Variants in GPRIN3 observed in about 807,000 individuals in gnomAD.
GPRIN3 encodes the protein GPRIN family member 3, also known as G protein-regulated inducer of neurite outgrowth 3.
Under a neutral mutation model 13.7 loss-of-function variants are expected in GPRIN3, and 12 were observed. The ratio of observed to expected loss-of-function variants is 0.87; its 90% CI spans 0.56 to 1.42. The LOEUF (loss-of-function observed/expected upper bound fraction) is 1.42, where lower values mean the gene tolerates loss of function less well. GPRIN3 is among the 40% of genes most tolerant of loss of function. GPRIN3 has a pLI of 0.00. For synonymous variants in GPRIN3, 377 were observed against 372.7 expected (o/e 1.01, Z -0.13); for missense variants, 1,009 against 958.7 (o/e 1.05, Z -0.69).
At chr4:89,270,584 T>TATATATAG (rs1324880728) in intron 1 of GPRIN3, among the ~76,000 whole-genome samples, 1 of 82,686 alleles carries the variant, frequency 1.2e-5, no homozygotes, top group African/African-American at 7.6e-5. Flanking sequence ...TATATATATA[T>TATATATAG]ATATATATAT....
Position 89,242,926 on chromosome 4 carries a change from A to T in GPRIN3, c.*4854T>A, listed in dbSNP as rs1034861372. Reference sequence around the variant, plus strand: ...GTTTACTTACCTAACAGCCAAAAATAATGTTTCAGGATTGTTTGTTGCTGC... The same window carrying T: ...GTTTACTTACCTAACAGCCAAAAATTATGTTTCAGGATTGTTTGTTGCTGC... On this transcript the variant is annotated 3_prime_UTR_variant, in exon 2 of 2. Coordinates refer to ENST00000609438, the MANE Select transcript of GPRIN3 (RefSeq NM_198281.3). The T allele has an allele frequency of 3.9e-5, 6 of 152,104 alleles. No individual in the cohort carries two copies. The highest frequency in any genetic ancestry group is 7.4e-5 in the Non-Finnish European group (5 of 68,012). The allele number at this position is 152,104 out of a possible 1,614,324, so 9.4% of individuals were successfully genotyped here. A position where few individuals can be genotyped will look rare whatever the true frequency, so the allele number is the denominator to read the frequency against.
intron 1 of GPRIN3, among the ~76,000 whole-genome samples, chr4:89,272,866 C>T (rs1423395158): frequency 4.6e-5 from 7 of 152,190 alleles, no homozygotes; most frequent in Admixed American, 4.6e-4. Context: ...AATTGATATG[C>T]ATAGTGACCC....
intron 1 of GPRIN3, among the ~76,000 whole-genome samples, chr4:89,273,669 G>A (rs1162962988): frequency 6.6e-6 from 1 of 152,224 alleles, no homozygotes; most frequent in Non-Finnish European, 1.5e-5. Flanking sequence ...TTGGGTGACA[G>A]AGTGAGACTC....
chr4:89,258,010 T>G (rs1159725210), intron 1 of GPRIN3, among the ~76,000 whole-genome samples: 1 of 151,780 alleles, frequency 6.6e-6, no homozygotes, highest in Non-Finnish European at 1.5e-5. Flanking sequence ...TTTAGAAGGT[T>G]TACGCTCAGT....
At position 89,275,278 on chromosome 4, in the gene GPRIN3, G is replaced by A. The variant is rs540229449; in HGVS notation, c.-123-25045C>T. 4.6e-5 allele frequency among the ~76,000 whole-genome samples: 7 copies of A among 152,202 alleles called. No individual in the cohort carries two copies. The South Asian group carries it at 1.2e-3, about 27-fold the overall frequency. On this transcript the variant is annotated intron_variant, in intron 1 of 1. Coordinates refer to ENST00000609438, the MANE Select transcript of GPRIN3 (RefSeq NM_198281.3). Reference sequence around the variant, plus strand: ...GCAAAGAAGGCTCAATTGCAAGACAGGTTTGGCCCTGTGATTTGGGTAATA... The same window carrying A: ...GCAAAGAAGGCTCAATTGCAAGACAAGTTTGGCCCTGTGATTTGGGTAATA...
At chr4:89,297,250 A>C (rs1463974560) in intron 1 of GPRIN3, among the ~76,000 whole-genome samples, 1 of 152,192 alleles carries the variant, frequency 6.6e-6, no homozygotes, top group Non-Finnish European at 1.5e-5. Context: ...GAAGAATAAA[A>C]TTTTTAAGGA....
rs974917985 is a variant in GPRIN3, at chr4:89,243,589, C to T, written c.*4191G>A. The stretch of plus-strand genomic sequence containing the variant: ...AAAAACAGAGTGGGAATAAGGTAGT[C>T]GGCTCACTTATGCAAGATACTGCTG... On this transcript the variant is annotated 3_prime_UTR_variant, in exon 2 of 2. Coordinates refer to ENST00000609438, the MANE Select transcript of GPRIN3 (RefSeq NM_198281.3). The T allele has an allele frequency of 1.3e-5, 2 of 152,136 alleles. No homozygotes were observed. The highest frequency in any genetic ancestry group is 2.9e-5 in the Non-Finnish European group (2 of 68,018). The allele number at this position is 152,136 out of a possible 1,614,324, so 9.4% of individuals were successfully genotyped here.
intron 1 of GPRIN3, among the ~76,000 whole-genome samples, chr4:89,254,151 G>A (rs893861613): frequency 7.1e-6 from 1 of 140,646 alleles, no homozygotes; most frequent in Non-Finnish European, 1.6e-5. Flanking sequence ...GTGTGTGTGT[G>A]GAGTGTGTGT....
At chr4:89,267,599 T>C (rs1422311067) in intron 1 of GPRIN3, among the ~76,000 whole-genome samples, 1 of 152,236 alleles carries the variant, frequency 6.6e-6, no homozygotes, top group African/African-American at 2.4e-5. Context: ...CTGGTCCTCA[T>C]TGGTCCTTAA....
intron 1 of GPRIN3, among the ~76,000 whole-genome samples, chr4:89,288,638 T>C (rs954650696): frequency 1.3e-5 from 2 of 152,202 alleles, no homozygotes; most frequent in Non-Finnish European, 2.9e-5. Context: ...CAATATGCTC[T>C]TGTCAGAACA....
At chr4:89,284,975 G>A (rs1724361457) in intron 1 of GPRIN3, among the ~76,000 whole-genome samples, 1 of 152,154 alleles carries the variant, frequency 6.6e-6, no homozygotes, top group South Asian at 2.1e-4. Context: ...GGCCTTTTGA[G>A]ATATCTTTTC....
chr4:89,258,823 G>A (rs2149262912), intron 1 of GPRIN3, among the ~76,000 whole-genome samples: 1 of 152,306 alleles, frequency 6.6e-6, no homozygotes, highest in African/African-American at 2.4e-5. Flanking sequence ...CCTGTCACTA[G>A]CAGCCTTTCC....
At position 89,242,315 on chromosome 4, in the gene GPRIN3, G is replaced by A. The variant is rs1274863748; in HGVS notation, c.*5465C>T. ...CATGTTTTAGTGATTTTACATCCGG[G>A]AGCCCATTTTTTCACAGCTAAAGCT... On this transcript the variant is annotated 3_prime_UTR_variant, in exon 2 of 2. Coordinates refer to ENST00000609438, the MANE Select transcript of GPRIN3 (RefSeq NM_198281.3). 3 of 152,146 alleles carry A rather than the reference G, an allele frequency of 2.0e-5. No individual in the cohort carries two copies. Among genetic ancestry groups the A allele is most frequent in the African/African-American group, 4.8e-5 (2 of 41,426 alleles). The allele number at this position is 152,146 out of a possible 1,614,324, so 9.4% of individuals were successfully genotyped here.
intron 1 of GPRIN3, among the ~76,000 whole-genome samples, chr4:89,271,323 C>T (rs1028400952): frequency 6.6e-6 from 1 of 152,072 alleles, no homozygotes; most frequent in East Asian, 1.9e-4. Context: ...AGCTTATTGA[C>T]ATGGTACCAT....
At chr4:89,286,563 G>GT (rs1372745511) in intron 1 of GPRIN3, among the ~76,000 whole-genome samples, 1 of 151,772 alleles carries the variant, frequency 6.6e-6, no homozygotes, top group Non-Finnish European at 1.5e-5. Context: ...TTTTCTTTGT[G>GT]TTTTTTAGAA....
At chr4:89,297,596 A>C (rs17015374) in intron 1 of GPRIN3, among the ~76,000 whole-genome samples, 4,610 of 152,264 alleles carry the variant, frequency 0.03, 217 homozygotes, top group African/African-American at 0.099. Flanking sequence ...CAGGGCAAAT[A>C]CACAGAGATG....
chr4:89,249,069 G>A lies in GPRIN3; in HGVS notation c.1042C>T (p.Arg348Cys), dbSNP rs770745079. 2.0e-5 allele frequency: 32 copies of A among 1,614,046 alleles called. No homozygotes were observed. Among genetic ancestry groups the A allele is most frequent in the South Asian group, 1.8e-4 (16 of 91,086 alleles). Residue 348 changes from arginine to cysteine, a missense_variant, in exon 2 of 2, where the codon CGT (arginine) becomes TGT (cysteine). Coordinates refer to ENST00000609438, the MANE Select transcript of GPRIN3 (RefSeq NM_198281.3). Reference protein sequence around the residue: ...SILTAFLKESRAPEHFEQEQL... With the variant: ...SILTAFLKESCAPEHFEQEQL... ...TCTTGTTCAAAATGCTCAGGAGCAC[G>A]GCTTTCCTTCAGAAATGCAGTGAGG...
At chr4:89,300,958 C>A (rs1724880441) in intron 1 of GPRIN3, among the ~76,000 whole-genome samples, 1 of 152,072 alleles carries the variant, frequency 6.6e-6, no homozygotes, top group Non-Finnish European at 1.5e-5. Context: ...TTTTTACCTG[C>A]ATTTTTCAAG....
intron 1 of GPRIN3, among the ~76,000 whole-genome samples, chr4:89,266,478 A>G (rs1425479698): frequency 6.6e-6 from 1 of 152,208 alleles, no homozygotes; most frequent in Non-Finnish European, 1.5e-5. Flanking sequence ...ATTATATTAT[A>G]TAAAAAGGAT....
Sources: gnomAD v4.1 joint callset for allele counts (sites outside exome capture counted in the v4.1 genomes callset) on GRCh38, gnomAD v4.1.1 for gene constraint, MANE v1.5 for transcripts, NCBI Gene and HGNC (gene_info 2026-07-23, HGNC 2026-07-21) for gene names.